Variants in RPS6KC1 observed in about 807,000 individuals in gnomAD.
RPS6KC1 encodes the protein ribosomal protein S6 kinase C1, also known as inactive ribosomal protein S6 kinase delta-1.
Under a neutral mutation model 103.8 loss-of-function variants are expected in RPS6KC1, and 54 were observed. The ratio of observed to expected loss-of-function variants is 0.52; its 90% CI spans 0.42 to 0.65. The LOEUF is 0.65. Ranked by LOEUF, RPS6KC1 falls within the 30% of genes least tolerant of loss-of-function variation. The pLI is 0.00. For missense variants in RPS6KC1, 1,151 were observed against 1,253.8 expected (o/e 0.92, Z 1.24); for synonymous variants, 439 against 438.7 (o/e 1.00, Z -0.01).
downstream of RPS6KC1, among the ~76,000 whole-genome samples, chr1:213,275,434 T>C (rs2095110404): frequency 6.6e-6 from 1 of 152,192 alleles, no homozygotes; most frequent in Non-Finnish European, 1.5e-5. Flanking sequence ...TCCTAAGATA[T>C]AATATAAAAA....
chr1:213,599,628 A>G, the RPS6KC1 span, among the ~76,000 whole-genome samples: 1 of 152,218 alleles, frequency 6.6e-6, no homozygotes, highest in African/African-American at 2.4e-5. Flanking sequence ...TATTATTGCC[A>G]TCTTCAATCA....
rs568608442 is a variant in RPS6KC1 at position 213,171,122 on chromosome 1, T to C, written c.951+3149T>C. On this transcript the variant is annotated intron_variant, in intron 7 of 14. Transcript: ENST00000366960. ...TGTTTTAAGTGTTTGTATTGAACTT[T>C]AGAGATCTTTATATAATAAATATAA... Among the ~76,000 whole-genome samples the C allele has an allele frequency of 2.6e-5, 4 of 152,298 alleles. No individual in the cohort carries two copies. The East Asian group carries it at 5.8e-4, about 22-fold the overall frequency.
the RPS6KC1 span, among the ~76,000 whole-genome samples, chr1:213,491,371 A>G: frequency 6.6e-6 from 1 of 152,104 alleles, no homozygotes; most frequent in Non-Finnish European, 1.5e-5. Context: ...AACACGGTGA[A>G]ACCCCATTTC....
intron 8 of RPS6KC1, among the ~76,000 whole-genome samples, chr1:213,224,398 A>G (rs1157759269): frequency 6.6e-6 from 1 of 152,154 alleles, no homozygotes; most frequent in Non-Finnish European, 1.5e-5. Flanking sequence ...AGGAGCAGTT[A>G]TTTCATGTAT....
chr1:213,754,048 G>C, the RPS6KC1 span, among the ~76,000 whole-genome samples: 1 of 152,174 alleles, frequency 6.6e-6, no homozygotes, highest in African/African-American at 2.4e-5. Flanking sequence ...GAATCCTTCG[G>C]CACACCCTTT....
chr1:213,850,437 C>T, the RPS6KC1 span, among the ~76,000 whole-genome samples: 55 of 152,306 alleles, frequency 3.6e-4, no homozygotes, highest in African/African-American at 1.3e-3. Flanking sequence ...GCTTAGGACT[C>T]AGCTGCTTCT....
chr1:213,383,070 C>T, the RPS6KC1 span, among the ~76,000 whole-genome samples: 1 of 152,226 alleles, frequency 6.6e-6, no homozygotes, highest in African/African-American at 2.4e-5. Flanking sequence ...AAGTCTCCTC[C>T]TTCTTGCCCC....
chr1:213,743,754 A>G, the RPS6KC1 span, among the ~76,000 whole-genome samples: 969 of 152,262 alleles, frequency 6.4e-3, 12 homozygotes, highest in African/African-American at 0.022. Context: ...GGTGCTGATG[A>G]TTATCTTCAA....
At chr1:213,284,603 A>C in the RPS6KC1 span, among the ~76,000 whole-genome samples, 6 of 146,334 alleles carry the variant, frequency 4.1e-5, no homozygotes, top group Non-Finnish European at 8.9e-5. Flanking sequence ...TTTTTAAGTA[A>C]AAAGGATTGA....
At chr1:213,715,937 G>C in the RPS6KC1 span, among the ~76,000 whole-genome samples, 1 of 151,798 alleles carries the variant, frequency 6.6e-6, no homozygotes, top group Non-Finnish European at 1.5e-5. Flanking sequence ...ATATGCAAAC[G>C]TACATGAGAT....
the RPS6KC1 span, among the ~76,000 whole-genome samples, chr1:213,503,362 T>C: frequency 6.6e-6 from 1 of 152,132 alleles, no homozygotes; most frequent in Admixed American, 6.5e-5. Context: ...CTGTTGTCCT[T>C]AGGTCAGGTA....
chr1:213,444,721 G>A, the RPS6KC1 span, among the ~76,000 whole-genome samples: 98 of 92,028 alleles, frequency 1.1e-3, no homozygotes, highest in South Asian at 5.3e-3. Flanking sequence ...TCCAGCCTGG[G>A]CAACAAGAGT....
At chr1:213,728,001 G>A in the RPS6KC1 span, among the ~76,000 whole-genome samples, 1 of 152,176 alleles carries the variant, frequency 6.6e-6, no homozygotes, top group Non-Finnish European at 1.5e-5. Context: ...GGAGACAAAG[G>A]GAAGAGAGTC....
chr1:213,549,498 C>G, the RPS6KC1 span, among the ~76,000 whole-genome samples: 1 of 151,782 alleles, frequency 6.6e-6, no homozygotes, highest in Non-Finnish European at 1.5e-5. Flanking sequence ...AAAGAAGGGC[C>G]AAAGAAAAAT....
At chr1:213,131,255 C>T (rs745499657) in intron 6 of RPS6KC1, among the ~76,000 whole-genome samples, 19 of 151,976 alleles carry the variant, frequency 1.3e-4, no homozygotes, top group Non-Finnish European at 2.4e-4. Flanking sequence ...CCATTTGGAA[C>T]CTGTTAACAC....
the RPS6KC1 span, among the ~76,000 whole-genome samples, chr1:213,685,228 A>C: frequency 0.015 from 2,338 of 152,304 alleles, 74 homozygotes; most frequent in Admixed American, 0.079. Context: ...TGGAAGGAGC[A>C]CAGACTTTGA....
the RPS6KC1 span, among the ~76,000 whole-genome samples, chr1:213,531,462 G>A: frequency 6.6e-6 from 1 of 152,194 alleles, no homozygotes; most frequent in African/African-American, 2.4e-5. Context: ...GGAGACAGGT[G>A]TGGTTACCCC....
the RPS6KC1 span, among the ~76,000 whole-genome samples, chr1:213,761,732 A>C: frequency 6.6e-6 from 1 of 152,072 alleles, no homozygotes; most frequent in Non-Finnish European, 1.5e-5. Flanking sequence ...GAGTTTTTCA[A>C]GTGTGTAGAA....
chr1:213,154,300 C>T (rs1334784041), intron 6 of RPS6KC1, among the ~76,000 whole-genome samples: 1 of 152,248 alleles, frequency 6.6e-6, no homozygotes, highest in African/African-American at 2.4e-5. Context: ...CTGCAGTCAG[C>T]AGGCAGCAAA....
Sources: gnomAD v4.1 joint callset for allele counts (sites outside exome capture counted in the v4.1 genomes callset) on GRCh38, gnomAD v4.1.1 for gene constraint, MANE v1.5 for transcripts, NCBI Gene and HGNC (gene_info 2026-07-23, HGNC 2026-07-21) for gene names.